NAALADL2: variants seen among roughly 807,000 people sequenced by gnomAD.
NAALADL2 encodes inactive N-acetylated-alpha-linked acidic dipeptidase-like protein 2.
A neutral mutation model predicts 87.2 loss-of-function variants in NAALADL2; 76 were observed. The observed-to-expected ratio is 0.87, with a 90% confidence interval of 0.72 to 1.05. NAALADL2 has a LOEUF of 1.05. Among genes scored for constraint, NAALADL2 ranks in the 50% least tolerant of loss-of-function variants. The pLI is 0.00. For synonymous variants in NAALADL2, 354 were observed against 331.0 expected (o/e 1.07, Z -0.75); for missense variants, 1,089 against 945.8 (o/e 1.15, Z -1.99).
At chr3:175,043,289 A>G (rs967297189) in intron 1 of NAALADL2, among the ~76,000 whole-genome samples, 12 of 152,210 alleles carry the variant, frequency 7.9e-5, no homozygotes, top group African/African-American at 2.6e-4. Context: ...CCCAGGCTGG[A>G]GTTCAGCGGC....
intron 12 of NAALADL2, among the ~76,000 whole-genome samples, chr3:175,740,103 AC>A (rs1745036101): frequency 6.6e-6 from 1 of 152,170 alleles, no homozygotes; most frequent in Non-Finnish European, 1.5e-5. Context: ...ATAGGAGGAG[AC>A]CAAGGAGGAG....
At chr3:174,826,896 A>G (rs1164373118) in intron 3 of NAALADL2, among the ~76,000 whole-genome samples, 2 of 152,204 alleles carry the variant, frequency 1.3e-5, no homozygotes, top group African/African-American at 4.8e-5. Context: ...TCTAGTAATT[A>G]AAACTCTTTG....
rs117235635 is a variant in NAALADL2, at chr3:175,028,109, G to T, written c.44-68681G>T. The stretch of plus-strand genomic sequence containing the variant: ...CAGCTATCCCTTAACAGGAGTAAAA[G>T]GTTTCCTACGCCAGTCAAAAGTAAA... On this transcript the variant is annotated intron_variant, in intron 1 of 13. Transcript: ENST00000454872. Among the ~76,000 whole-genome samples the T allele has an allele frequency of 4.4e-4, 67 of 151,744 alleles. 2 individuals carry two copies. In the East Asian group the frequency reaches 0.011, roughly 25 times the overall value.
At chr3:175,721,937 C>T (rs562948262) in intron 11 of NAALADL2, among the ~76,000 whole-genome samples, 1 of 152,092 alleles carries the variant, frequency 6.6e-6, no homozygotes, top group East Asian at 1.9e-4. Context: ...TTTTATAGCT[C>T]ACTACCATTT....
intron 9 of NAALADL2, among the ~76,000 whole-genome samples, chr3:175,561,635 A>G (rs1220179824): frequency 6.6e-6 from 1 of 152,152 alleles, no homozygotes; most frequent in East Asian, 1.9e-4. Context: ...TGTATATAGA[A>G]TTGGTCCATT....
intron 5 of NAALADL2, among the ~76,000 whole-genome samples, chr3:175,350,980 C>T (rs1292001242): frequency 6.6e-6 from 1 of 151,590 alleles, no homozygotes; most frequent in East Asian, 1.9e-4. Context: ...TTTATAATTA[C>T]CAACAGCAGA....
intron 1 of NAALADL2, among the ~76,000 whole-genome samples, chr3:174,910,634 G>T (rs141408239): frequency 6.6e-6 from 1 of 152,002 alleles, no homozygotes; most frequent in African/African-American, 2.4e-5. Context: ...GCAGGATGAC[G>T]CTCTGTGGAA....
intron 5 of NAALADL2, among the ~76,000 whole-genome samples, chr3:175,405,902 G>A (rs960277550): frequency 1.3e-5 from 2 of 152,094 alleles, no homozygotes; most frequent in African/African-American, 4.8e-5. Context: ...CTTGATTCTA[G>A]AGATTACTTG....
At chr3:174,637,215 T>TAG (rs1412597893) in intron 2 of NAALADL2, among the ~76,000 whole-genome samples, 1 of 152,014 alleles carries the variant, frequency 6.6e-6, no homozygotes, top group African/African-American at 2.4e-5. Context: ...TGATTATGGG[T>TAG]AGAAGCATAC....
intron 1 of NAALADL2, among the ~76,000 whole-genome samples, chr3:174,952,031 A>G (rs1013305069): frequency 6.6e-6 from 1 of 152,092 alleles, no homozygotes. Context: ...CTAATTCATT[A>G]GGCAAACTCT....
rs7620286 is a variant in NAALADL2 at position 174,772,740 on chromosome 3, G to A, written c.-9+34994G>A. 6.6e-4 allele frequency among the ~76,000 whole-genome samples: 100 copies of A among 152,194 alleles called. 1 individual carries two copies. The highest frequency in any genetic ancestry group is 2.3e-3 in the African/African-American group (94 of 41,540). ...CAGACAGACACAAAATGATATAGTA[G>A]GTGAAAGTTAAGGTGGAAACACAAG... is the stretch of plus-strand genomic sequence containing the variant. On this transcript the variant is annotated intron_variant, in intron 3 of 3. Transcript: ENST00000434257.
intron 8 of NAALADL2, among the ~76,000 whole-genome samples, chr3:175,469,388 T>C (rs139946155): frequency 5.6e-4 from 85 of 152,168 alleles, no homozygotes; most frequent in African/African-American, 2.0e-3. Context: ...TATATTCCCC[T>C]GTGAAGGGGA....
intron 1 of NAALADL2, among the ~76,000 whole-genome samples, chr3:174,539,755 A>C (rs2108461971): frequency 6.6e-6 from 1 of 152,204 alleles, no homozygotes; most frequent in Non-Finnish European, 1.5e-5. Flanking sequence ...AGTTTCAATA[A>C]ATCCAATAAT....
chr3:175,580,879 T>C (rs924984566), intron 10 of NAALADL2, among the ~76,000 whole-genome samples: 1 of 152,124 alleles, frequency 6.6e-6, no homozygotes, highest in South Asian at 2.1e-4. Context: ...CCCTCAAAAG[T>C]ACCAAAGATT....
intron 2 of NAALADL2, among the ~76,000 whole-genome samples, chr3:174,671,051 A>G (rs1398004165): frequency 2.0e-5 from 3 of 152,052 alleles, no homozygotes; most frequent in South Asian, 2.1e-4. Flanking sequence ...GCTTTCTGCC[A>G]TGATTGTAAC....
rs553219641 is a variant in NAALADL2 at position 174,655,082 on chromosome 3, C to T, written c.-114-82559C>T. 1.1e-4 allele frequency among the ~76,000 whole-genome samples: 17 copies of T among 152,240 alleles called. No individual in the cohort carries two copies. In the South Asian group the frequency reaches 3.5e-3, roughly 32 times the overall value. On this transcript the variant is annotated intron_variant, in intron 2 of 3. Transcript: ENST00000434257. ...CAAACCTTGTACTGCAGTGTGACTG[C>T]ATGCATATTTATTTTTTAGAATTAA...
intron 2 of NAALADL2, among the ~76,000 whole-genome samples, chr3:174,734,423 A>T (rs978406490): frequency 1.3e-5 from 2 of 152,176 alleles, no homozygotes; most frequent in Non-Finnish European, 2.9e-5. Flanking sequence ...TATTTTCACC[A>T]GTTCTGGATA....
intron 3 of NAALADL2, among the ~76,000 whole-genome samples, chr3:174,840,141 T>G (rs886963444): frequency 1.3e-5 from 2 of 151,432 alleles, no homozygotes; most frequent in African/African-American, 4.8e-5. Flanking sequence ...GAAACTGTGA[T>G]ATATATATAT....
At chr3:174,574,293 G>A (rs1038394456) in intron 2 of NAALADL2, among the ~76,000 whole-genome samples, 2 of 151,826 alleles carry the variant, frequency 1.3e-5, no homozygotes, top group Non-Finnish European at 2.9e-5. Context: ...AATGTGTGTT[G>A]AAACTTTCTA....
Sources: gnomAD v4.1 joint callset for allele counts (sites outside exome capture counted in the v4.1 genomes callset) on GRCh38, gnomAD v4.1.1 for gene constraint, MANE v1.5 for transcripts, NCBI Gene and HGNC (gene_info 2026-07-23, HGNC 2026-07-21) for gene names.